The following EPAS1 variants were observed in gnomAD, a reference collection of about 807,000 sequenced individuals.
EPAS1 encodes endothelial PAS domain protein 1.
A neutral mutation model predicts 87.9 loss-of-function variants in EPAS1; 23 were observed. That is an observed-to-expected ratio of 0.26 (90% CI 0.19 to 0.37). EPAS1 has a LOEUF of 0.37. Among genes scored for constraint, EPAS1 ranks in the 10% least tolerant of loss-of-function variants. The pLI is 1.00. For missense variants in EPAS1, 1,138 were observed against 1,120.7 expected (o/e 1.02, Z -0.22); for synonymous variants, 508 against 444.3 (o/e 1.14, Z -1.80).
At position 46,384,814 on chromosome 2, in the gene EPAS1, C is replaced by G; in HGVS notation, c.*154C>G. 2.2e-6 allele frequency: 2 copies of G among 896,944 alleles called. No homozygotes were observed. Among genetic ancestry groups the G allele is most frequent in the Non-Finnish European group, 3.4e-6 (2 of 581,200 alleles). 55.6% of individuals were successfully genotyped at this position (896,944 alleles called of 1,614,324 possible). On this transcript the variant is annotated 3_prime_UTR_variant, in exon 16 of 16. Transcript: ENST00000263734. Reference sequence around the variant, plus strand: ...CTTGCCCAGGTCACCAAGCAGTGGCCTTTTTCTGAGATGCTCACTTTATTA... The same window carrying G: ...CTTGCCCAGGTCACCAAGCAGTGGCGTTTTTCTGAGATGCTCACTTTATTA...
At chr2:46,322,899 T>G (rs1186736580) in intron 1 of EPAS1, among the ~76,000 whole-genome samples, 1 of 152,218 alleles carries the variant, frequency 6.6e-6, no homozygotes, top group Non-Finnish European at 1.5e-5. Flanking sequence ...CACACACTGC[T>G]CCTGACAGCC....
intron 6 of EPAS1, among the ~76,000 whole-genome samples, chr2:46,361,418 GAGAA>G (rs1180817089): frequency 2.6e-5 from 4 of 152,282 alleles, no homozygotes; most frequent in African/African-American, 7.2e-5. Context: ...TCTGCCCCAG[GAGAA>G]AGAGTCTAGA....
intron 12 of EPAS1, chr2:46,381,194 C>G (rs35145595): frequency 2.8e-6 from 1 of 356,796 alleles, no homozygotes; most frequent in Non-Finnish European, 5.4e-6. Context: ...TCACCAGCTG[C>G]GAGCTCACTG....
chr2:46,329,337 G>A (rs1402080749), intron 1 of EPAS1, among the ~76,000 whole-genome samples: 2 of 152,160 alleles, frequency 1.3e-5, no homozygotes, highest in African/African-American at 4.8e-5. Flanking sequence ...GTCCTTGCAA[G>A]ACAGGAGGGG....
Position 46,384,720 on chromosome 2 carries a change from C to G in EPAS1, c.*60C>G, listed in dbSNP as rs1174325139. 5.7e-6 allele frequency: 9 copies of G among 1,591,862 alleles called. No individual in the cohort carries two copies. Among genetic ancestry groups the G allele is most frequent in the Non-Finnish European group, 7.7e-6 (9 of 1,170,828 alleles). On this transcript the variant is annotated 3_prime_UTR_variant, in exon 16 of 16. Transcript: ENST00000263734. ...CGCCGTCCCACCAGCTTCACTCTCT[C>G]CGTCTGTTTTTGCAACTAGGTATTT...
intron 1 of EPAS1, among the ~76,000 whole-genome samples, chr2:46,331,881 G>T (rs1683681041): frequency 6.6e-6 from 1 of 152,156 alleles, no homozygotes; most frequent in Non-Finnish European, 1.5e-5. Context: ...AGGACTTTCA[G>T]GCTGTTTTTT....
chr2:46,374,667 TGG>T (rs1418821829), intron 7 of EPAS1, among the ~76,000 whole-genome samples: 1 of 152,212 alleles, frequency 6.6e-6, no homozygotes, highest in Non-Finnish European at 1.5e-5. Context: ...CTCTGTGATT[TGG>T]GAGCTTCTGA....
At chr2:46,321,765 A>T (rs1683458320) in intron 1 of EPAS1, among the ~76,000 whole-genome samples, 1 of 151,880 alleles carries the variant, frequency 6.6e-6, no homozygotes, top group Non-Finnish European at 1.5e-5. Context: ...AGGCAAACAA[A>T]GACTATCAAC....
intron 1 of EPAS1, among the ~76,000 whole-genome samples, chr2:46,307,830 C>A (rs1012625760): frequency 6.6e-6 from 1 of 152,168 alleles, no homozygotes; most frequent in Admixed American, 6.5e-5. Flanking sequence ...GCCTCCTCAG[C>A]GGGATTGTCC....
In EPAS1 at chr2:46,360,802, C is replaced by T. The variant is rs562991858; in HGVS notation, c.573+46C>T. 1.7e-5 allele frequency: 28 copies of T among 1,612,140 alleles called. No homozygotes were observed. The highest frequency in any genetic ancestry group is 6.7e-5 in the East Asian group (3 of 44,870). ...GGTTGGAGTCCCAGGTGTAGGGTAA[C>T]GGCGGTGCAGGGGATGCCTAAGGCC... On this transcript the variant is annotated intron_variant, in intron 5 of 15. Coordinates refer to ENST00000263734, the MANE Select transcript of EPAS1 (RefSeq NM_001430.5). The surrounding 1 kb of genome is among the most constrained non-coding windows in gnomAD (Gnocchi z 4.5).
At position 46,380,469 on chromosome 2, in the gene EPAS1, C is replaced by T. The variant is rs770476557; in HGVS notation, c.1797C>T (p.Pro599=). Residue 599 remains proline, a synonymous_variant, in exon 12 of 16, where the codon CCC becomes CCT. Coordinates refer to ENST00000263734, the MANE Select transcript of EPAS1 (RefSeq NM_001430.5). This position sits in a 1 kb window ranked among gnomAD's most constrained non-coding sequence, Gnocchi z 4.4. ...AGCTGGAGAGCAAGAAGACAGAGCC[C>T]GAGCACCGGCCCATGTCCTCCATCT... ...QQQLESKKTE[P]EHRPMSSIFF... 55 of 1,614,012 alleles carry T rather than the reference C, an allele frequency of 3.4e-5. 1 individual carries two copies. In the Middle Eastern group the frequency reaches 4.9e-4, roughly 14 times the overall value.
intron 1 of EPAS1, among the ~76,000 whole-genome samples, chr2:46,332,495 C>T (rs1364182079): frequency 6.6e-6 from 1 of 152,062 alleles, no homozygotes; most frequent in East Asian, 1.9e-4. Context: ...TCTGTTAACC[C>T]CCTCCTCGTC....
intron 9 of EPAS1, among the ~76,000 whole-genome samples, chr2:46,377,297 C>T (rs1186067801): frequency 6.6e-6 from 1 of 152,196 alleles, no homozygotes; most frequent in Non-Finnish European, 1.5e-5. Context: ...CACTGGGGAC[C>T]CCGGCAGGGT....
rs142108891 is a variant in EPAS1, at chr2:46,302,291, T to C, written c.26+4354T>C. ...GGCTCCTACATTTGAAAATACTTGCTGTCATTAATTGTCTTGAGATTTAGG... is the reference window on the plus strand; with the variant it reads ...GGCTCCTACATTTGAAAATACTTGCCGTCATTAATTGTCTTGAGATTTAGG... On this transcript the variant is annotated intron_variant, in intron 1 of 15. Coordinates refer to ENST00000263734, the MANE Select transcript of EPAS1 (RefSeq NM_001430.5). 5.1e-3 allele frequency among the ~76,000 whole-genome samples: 778 copies of C among 152,304 alleles called. 10 individuals are homozygous for C. The highest frequency in any genetic ancestry group is 0.018 in the African/African-American group (739 of 41,552).
intron 1 of EPAS1, among the ~76,000 whole-genome samples, chr2:46,313,668 T>G (rs1683256666): frequency 1.3e-5 from 2 of 152,126 alleles, no homozygotes; most frequent in African/African-American, 2.4e-5. Context: ...GCCAGGCTGG[T>G]CTCAAACTCT....
chr2:46,380,219 C>A lies in EPAS1; in HGVS notation c.1555-8C>A, dbSNP rs866546547. 12 of 1,608,736 alleles carry A rather than the reference C, an allele frequency of 7.5e-6. No homozygotes were observed. In the Middle Eastern group the frequency reaches 4.9e-4, roughly 66 times the overall value. On this transcript the variant is annotated splice_region_variant and splice_polypyrimidine_tract_variant and intron_variant, in intron 11 of 15. Coordinates refer to ENST00000263734, the MANE Select transcript of EPAS1 (RefSeq NM_001430.5). The surrounding 1 kb of genome is among the most constrained non-coding windows in gnomAD (Gnocchi z 4.4). ...CCTTGCCTCTTTGCCGGTGCTGTCT[C>A]CCCTCAGACGGATTTCAATGAGCTG... is the stretch of plus-strand genomic sequence containing the variant.
chr2:46,368,897 A>G (rs569493894), intron 6 of EPAS1, among the ~76,000 whole-genome samples: 62 of 152,324 alleles, frequency 4.1e-4, no homozygotes, highest in Non-Finnish European at 7.8e-4. Context: ...TAAAGCGGCC[A>G]ACCTGGTGGT....
intron 1 of EPAS1, among the ~76,000 whole-genome samples, chr2:46,333,307 A>G (rs2104860149): frequency 6.6e-6 from 1 of 152,300 alleles, no homozygotes; most frequent in South Asian, 2.1e-4. Flanking sequence ...ACTTTGATAC[A>G]TGAGAGGTTT....
At chr2:46,308,770 C>T (rs1558582381) in intron 1 of EPAS1, among the ~76,000 whole-genome samples, 1 of 152,140 alleles carries the variant, frequency 6.6e-6, no homozygotes, top group Non-Finnish European at 1.5e-5. Flanking sequence ...ACAGAATACT[C>T]CAGCTTAATC....
Sources: allele counts gnomAD v4.1 joint callset (sites outside exome capture counted in the v4.1 genomes callset), GRCh38; gene constraint gnomAD v4.1.1; non-coding constraint Gnocchi (gnomAD v3.1); transcripts MANE v1.5; gene names NCBI Gene and HGNC (gene_info 2026-07-23, HGNC 2026-07-21).